GTF2A2: variants seen among roughly 807,000 people sequenced by gnomAD.
GTF2A2 encodes the protein general transcription factor IIA subunit 2.
GTF2A2 carries 9 observed loss-of-function variants against 14.3 expected under a neutral mutation model. The ratio of observed to expected loss-of-function variants is 0.63; its 90% CI spans 0.38 to 1.10. GTF2A2 has a LOEUF of 1.10. Among genes scored for constraint, GTF2A2 ranks in the 50% least tolerant of loss-of-function variants. The pLI, the probability that GTF2A2 is intolerant of heterozygous loss-of-function variation, is 0.01. For synonymous variants in GTF2A2, 56 were observed against 46.0 expected (o/e 1.22, Z -0.88); for missense variants, 90 against 124.6 (o/e 0.72, Z 1.32).
chr15:59,646,297 C>G (rs1891604454), intron 3 of GTF2A2, among the ~76,000 whole-genome samples: 1 of 152,154 alleles, frequency 6.6e-6, no homozygotes, highest in South Asian at 2.1e-4. Flanking sequence ...CTCAAGTGGT[C>G]TGCCTGCCTT....
At chr15:59,654,939 G>T (rs1278582086) in intron 1 of GTF2A2, among the ~76,000 whole-genome samples, 1 of 152,146 alleles carries the variant, frequency 6.6e-6, no homozygotes, top group East Asian at 1.9e-4. Flanking sequence ...TGTCATGTTG[G>T]TGCTCAAAGT....
intron 3 of GTF2A2, among the ~76,000 whole-genome samples, chr15:59,646,417 C>T (rs1419722983): frequency 1.3e-5 from 2 of 152,174 alleles, no homozygotes; most frequent in African/African-American, 4.8e-5. Flanking sequence ...ACCCTTTCCC[C>T]AAAGTTCCCA....
At chr15:59,644,087 GT>G (rs1205437365) in intron 3 of GTF2A2, among the ~76,000 whole-genome samples, 1 of 151,786 alleles carries the variant, frequency 6.6e-6, no homozygotes, top group Admixed American at 6.6e-5. Flanking sequence ...TAGAGGCGGG[GT>G]TTTGCCATGT....
Position 59,648,180 on chromosome 15 carries a change from G to A in GTF2A2, c.177+2489C>T, listed in dbSNP as rs370323002. 6.1e-4 allele frequency among the ~76,000 whole-genome samples: 93 copies of A among 151,990 alleles called. 1 individual carries two copies. The South Asian group carries it at 0.018, about 30-fold the overall frequency. Reference sequence around the variant, plus strand: ...TTCCAGCACTTTGGGAGGCCGAGGCGGGCGGATCATGAGGTCAGGAGTTCG... The same window carrying A: ...TTCCAGCACTTTGGGAGGCCGAGGCAGGCGGATCATGAGGTCAGGAGTTCG... On this transcript the variant is annotated intron_variant, in intron 3 of 4. Coordinates refer to ENST00000396060, the MANE Select transcript of GTF2A2 (RefSeq NM_004492.3).
intron 3 of GTF2A2, among the ~76,000 whole-genome samples, chr15:59,650,045 G>C (rs1315704470): frequency 6.6e-6 from 1 of 152,050 alleles, no homozygotes; most frequent in East Asian, 1.9e-4. Context: ...ACCATAATGT[G>C]GTAAAATTAT....
At chr15:59,648,003 C>T (rs981709029) in intron 3 of GTF2A2, among the ~76,000 whole-genome samples, 5 of 152,142 alleles carry the variant, frequency 3.3e-5, no homozygotes, top group African/African-American at 1.2e-4. Flanking sequence ...GGGGGTGTGG[C>T]ATTAAATCTT....
intron 3 of GTF2A2, among the ~76,000 whole-genome samples, chr15:59,645,474 A>C (rs953242580): frequency 4.6e-5 from 7 of 152,220 alleles, no homozygotes; most frequent in Admixed American, 3.9e-4. Flanking sequence ...GTTCAAAAAA[A>C]CAATCATCAA....
At chr15:59,653,792 G>A (rs1388229840) in intron 1 of GTF2A2, among the ~76,000 whole-genome samples, 1 of 152,108 alleles carries the variant, frequency 6.6e-6, no homozygotes, top group African/African-American at 2.4e-5. Flanking sequence ...CAAAAACCAT[G>A]TTTCTGATGC....
intron 3 of GTF2A2, among the ~76,000 whole-genome samples, chr15:59,649,701 A>C (rs1891732552): frequency 6.6e-6 from 1 of 152,190 alleles, no homozygotes; most frequent in African/African-American, 2.4e-5. Context: ...TATAAAATAC[A>C]TGGAGATTTT....
intron 4 of GTF2A2, among the ~76,000 whole-genome samples, chr15:59,641,337 T>C (rs1249252202): frequency 1.3e-5 from 2 of 152,174 alleles, no homozygotes; most frequent in Non-Finnish European, 2.9e-5. Context: ...TTGTATTCTC[T>C]ACATTTTTTC....
At chr15:59,649,646 A>C (rs1028667972) in intron 3 of GTF2A2, among the ~76,000 whole-genome samples, 14 of 152,194 alleles carry the variant, frequency 9.2e-5, no homozygotes, top group African/African-American at 3.4e-4. Context: ...ACTCCAGATA[A>C]TTTTTTGGCA....
At chr15:59,644,322 A>G (rs533893126) in intron 3 of GTF2A2, 1 of 152,378 alleles carries the variant, frequency 6.6e-6, no homozygotes, top group South Asian at 2.1e-4. Flanking sequence ...TTAAATGCCT[A>G]AAATCTTCAA....
chr15:59,648,037 G>A (rs761036697), intron 3 of GTF2A2, among the ~76,000 whole-genome samples: 2 of 152,030 alleles, frequency 1.3e-5, no homozygotes, highest in South Asian at 2.1e-4. Flanking sequence ...ATTACTGTTC[G>A]AGGCTCAACA....
intron 3 of GTF2A2, among the ~76,000 whole-genome samples, chr15:59,646,064 T>A (rs1312585668): frequency 1.3e-5 from 2 of 151,810 alleles, no homozygotes; most frequent in African/African-American, 4.8e-5. Context: ...GTATATTACT[T>A]TTTTTGTTTT....
At chr15:59,649,870 C>A (rs879820389) in intron 3 of GTF2A2, among the ~76,000 whole-genome samples, 2 of 152,050 alleles carry the variant, frequency 1.3e-5, no homozygotes, top group Non-Finnish European at 2.9e-5. Context: ...GTTTAAGTAC[C>A]AAATGAAGTA....
intron 3 of GTF2A2, among the ~76,000 whole-genome samples, chr15:59,649,744 T>C (rs1462960399): frequency 2.0e-5 from 3 of 152,184 alleles, no homozygotes; most frequent in South Asian, 2.1e-4. Flanking sequence ...AAATGGGGCT[T>C]TGTCTATCTT....
At chr15:59,654,306 G>A (rs1891880443) in intron 1 of GTF2A2, among the ~76,000 whole-genome samples, 1 of 152,120 alleles carries the variant, frequency 6.6e-6, no homozygotes, top group African/African-American at 2.4e-5. Flanking sequence ...TTCTTTGACA[G>A]GGGAAGCATG....
intron 3 of GTF2A2, among the ~76,000 whole-genome samples, chr15:59,646,791 G>A (rs969118413): frequency 4.6e-5 from 7 of 152,192 alleles, no homozygotes; most frequent in South Asian, 2.1e-4. Context: ...CGTAACTTCT[G>A]AGCCAACAAA....
At position 59,638,294 on chromosome 15, in the gene GTF2A2, T is replaced by A. The variant is rs1891247927; in HGVS notation, c.*838A>T. 6.6e-6 allele frequency: 1 copy of A among 152,124 alleles called. No homozygotes were observed. Among genetic ancestry groups the A allele is most frequent in the Non-Finnish European group, 1.5e-5 (1 of 68,002 alleles). 9.4% of individuals were successfully genotyped at this position (152,124 alleles called of 1,614,324 possible). A position where few individuals can be genotyped will look rare whatever the true frequency, so the allele number is the denominator to read the frequency against. On this transcript the variant is annotated 3_prime_UTR_variant, in exon 5 of 5. Transcript: ENST00000396060. Reference sequence around the variant, plus strand: ...GAGCATCGAGGTAACAGCAAAAATCTTTTACTCCAATTGGGTCAATCCAGT... The same window carrying A: ...GAGCATCGAGGTAACAGCAAAAATCATTTACTCCAATTGGGTCAATCCAGT...
Sources: gnomAD v4.1 joint callset for allele counts (sites outside exome capture counted in the v4.1 genomes callset) on GRCh38, gnomAD v4.1.1 for gene constraint, MANE v1.5 for transcripts, NCBI Gene and HGNC (gene_info 2026-07-23, HGNC 2026-07-21) for gene names.